Variants in MELK observed in about 807,000 individuals in gnomAD.
MELK encodes the protein pEg3 kinase.
MELK carries 81 observed loss-of-function variants against 85.0 expected under a neutral mutation model. The ratio of observed to expected loss-of-function variants is 0.95; its 90% CI spans 0.80 to 1.15. MELK has a LOEUF of 1.15. Ranked by LOEUF, MELK falls within the 50% of genes most tolerant of loss-of-function variation. The pLI, the probability that MELK is intolerant of heterozygous loss-of-function variation, is 0.00. For missense variants in MELK, 754 were observed against 777.5 expected (o/e 0.97, Z 0.36); for synonymous variants, 252 against 265.0 (o/e 0.95, Z 0.48).
chr9:36,660,990 T>C (rs980171484), intron 13 of MELK, among the ~76,000 whole-genome samples: 2 of 152,090 alleles, frequency 1.3e-5, no homozygotes, highest in Non-Finnish European at 2.9e-5. Flanking sequence ...AAACTCCGTC[T>C]CAAATAAAAA....
At position 36,600,876 on chromosome 9, in the gene MELK, C is replaced by T. The variant is rs374222265; in HGVS notation, c.567+1390C>T. 3.9e-4 allele frequency among the ~76,000 whole-genome samples: 59 copies of T among 152,248 alleles called. No individual in the cohort carries two copies. The South Asian group carries it at 0.012, about 30-fold the overall frequency. On this transcript the variant is annotated intron_variant, in intron 7 of 17. Coordinates refer to ENST00000298048, the MANE Select transcript of MELK (RefSeq NM_014791.4). ...AAAATGAGAAGATGGGAACTGTTTCCGGTGACTTTTTATTTTGATATAATC... is the reference window on the plus strand; with the variant it reads ...AAAATGAGAAGATGGGAACTGTTTCTGGTGACTTTTTATTTTGATATAATC...
At chr9:36,628,425 A>G (rs1021780182) in intron 8 of MELK, among the ~76,000 whole-genome samples, 1 of 151,710 alleles carries the variant, frequency 6.6e-6, no homozygotes, top group South Asian at 2.1e-4. Flanking sequence ...TTTGTTAATG[A>G]ATTTTTTTTT....
chr9:36,585,441 G>A (rs1423657541), intron 3 of MELK, among the ~76,000 whole-genome samples: 1 of 151,372 alleles, frequency 6.6e-6, no homozygotes, highest in African/African-American at 2.4e-5. Context: ...TGAGTAGCTG[G>A]TACTACAGGC....
Position 36,615,278 on chromosome 9 carries a change from G to C in MELK, c.666+7605G>C, listed in dbSNP as rs1228596955. Among the ~76,000 whole-genome samples, 27 of 124,672 alleles carry C rather than the reference G, an allele frequency of 2.2e-4. 1 individual carries two copies. In the East Asian group the frequency reaches 6.3e-3, roughly 29 times the overall value. The allele number at this position is 124,672 out of a possible 152,430, so 81.8% of individuals were successfully genotyped here. A position where few individuals can be genotyped will look rare whatever the true frequency, so the allele number is the denominator to read the frequency against. Reference sequence around the variant, plus strand: ...CCCCCACCTCCCTCCCAGACGGCACGGCTGGCCAGGCGGGGGGCTGATCCC... The same window carrying C: ...CCCCCACCTCCCTCCCAGACGGCACCGCTGGCCAGGCGGGGGGCTGATCCC... On this transcript the variant is annotated intron_variant, in intron 8 of 17. Coordinates refer to ENST00000298048, the MANE Select transcript of MELK (RefSeq NM_014791.4).
At chr9:36,611,088 T>C (rs980125510) in intron 8 of MELK, among the ~76,000 whole-genome samples, 1 of 152,172 alleles carries the variant, frequency 6.6e-6, no homozygotes, top group African/African-American at 2.4e-5. Flanking sequence ...ATGCACATAT[T>C]CCAAAGCCTG....
In MELK at chr9:36,615,399, C is replaced by T. The variant is rs1199958021; in HGVS notation, c.666+7726C>T. Among the ~76,000 whole-genome samples the T allele has an allele frequency of 2.3e-5, 3 of 132,888 alleles. No individual in the cohort carries two copies. The East Asian group carries it at 7.4e-4, about 33-fold the overall frequency. The allele number at this position is 132,888 out of a possible 152,430, so 87.2% of individuals were successfully genotyped here. A position where few individuals can be genotyped will look rare whatever the true frequency, so the allele number is the denominator to read the frequency against. Reference sequence around the variant, plus strand: ...ACGGCTGGCCGGGCGGGGGGCTGACCCCCCCACCTCCCTCCCGGACGGCAC... The same window carrying T: ...ACGGCTGGCCGGGCGGGGGGCTGACTCCCCCACCTCCCTCCCGGACGGCAC... On this transcript the variant is annotated intron_variant, in intron 8 of 17. Transcript: ENST00000298048.
chr9:36,648,869 CAAAAATCACTAGAAATTTGAGG>C (rs1830448404), intron 11 of MELK, among the ~76,000 whole-genome samples: 1 of 151,800 alleles, frequency 6.6e-6, no homozygotes, highest in Non-Finnish European at 1.5e-5. Flanking sequence ...AACAGACAAC[CAAAAATCACTAGAAATTTGAGG>C]AAAACTTCTA....
chr9:36,605,084 G>T (rs1209504809), intron 7 of MELK, among the ~76,000 whole-genome samples: 5 of 151,886 alleles, frequency 3.3e-5, no homozygotes, highest in South Asian at 2.1e-4. Context: ...TAGAGACAGG[G>T]TTTCACCATG....
intron 10 of MELK, among the ~76,000 whole-genome samples, chr9:36,637,034 A>G (rs1488845425): frequency 2.6e-5 from 4 of 151,906 alleles, no homozygotes; most frequent in South Asian, 4.2e-4. Flanking sequence ...GGGTTTCACC[A>G]TGGTAGCCAG....
chr9:36,655,362 G>C (rs1040726840), intron 12 of MELK, among the ~76,000 whole-genome samples: 2 of 151,988 alleles, frequency 1.3e-5, no homozygotes, highest in Non-Finnish European at 2.9e-5. Context: ...AAGATAAATG[G>C]AATCAGCAAA....
At chr9:36,629,843 G>GTTTTTTTTT (rs11298711) in intron 8 of MELK, among the ~76,000 whole-genome samples, 1 of 111,482 alleles carries the variant, frequency 9.0e-6, no homozygotes. Context: ...GCAAGAAATT[G>GTTTTTTTTT]TTTTTTTTTT....
At chr9:36,642,714 C>T (rs901953736) in intron 10 of MELK, among the ~76,000 whole-genome samples, 3 of 152,090 alleles carry the variant, frequency 2.0e-5, no homozygotes, top group African/African-American at 7.2e-5. Flanking sequence ...CAGGTGTGAA[C>T]TATTGTGCCC....
rs777255710 is a variant in MELK at position 36,599,497 on chromosome 9, A to G, written c.567+11A>G. The G allele has an allele frequency of 9.4e-6, 15 of 1,589,632 alleles. 1 individual carries two copies. The highest frequency in any genetic ancestry group is 1.7e-4 in the Middle Eastern group (1 of 6,052). On this transcript the variant is annotated intron_variant, in intron 7 of 17. Coordinates refer to ENST00000298048, the MANE Select transcript of MELK (RefSeq NM_014791.4). ...TATCTTGGATCAGAGGTAATTATTC[A>G]TTGATTAATTCATTATATAATCAGC...
intron 8 of MELK, among the ~76,000 whole-genome samples, chr9:36,616,385 CTCTTTTTTT>C (rs1471903235): frequency 5.8e-5 from 7 of 120,288 alleles, no homozygotes; most frequent in African/African-American, 2.4e-4. Flanking sequence ...GCATGTCAAA[CTCTTTTTTT>C]TTTTTTTTTT....
intron 3 of MELK, among the ~76,000 whole-genome samples, chr9:36,585,239 C>A (rs1822755592): frequency 6.6e-6 from 1 of 151,442 alleles, no homozygotes. Flanking sequence ...GCTTCTGTAC[C>A]CATTCCAGTG....
intron 8 of MELK, among the ~76,000 whole-genome samples, chr9:36,621,280 A>G (rs1827394595): frequency 6.3e-5 from 3 of 47,968 alleles, no homozygotes; most frequent in African/African-American, 3.7e-4. Context: ...TCAGGGAAAA[A>G]AAAAAAAAAA....
intron 6 of MELK, among the ~76,000 whole-genome samples, chr9:36,597,996 AG>A (rs1220388290): frequency 6.6e-6 from 1 of 152,202 alleles, no homozygotes; most frequent in Non-Finnish European, 1.5e-5. Flanking sequence ...TTGAAATTGC[AG>A]ACTTGTCTCG....
intron 8 of MELK, among the ~76,000 whole-genome samples, chr9:36,625,705 G>A (rs1827861948): frequency 6.6e-6 from 1 of 152,070 alleles, no homozygotes; most frequent in African/African-American, 2.4e-5. Flanking sequence ...TGGATCACCT[G>A]AGGCCAGGAG....
chr9:36,660,647 G>A (rs1196621669), intron 13 of MELK, among the ~76,000 whole-genome samples: 1 of 151,644 alleles, frequency 6.6e-6, no homozygotes, highest in Non-Finnish European at 1.5e-5. Context: ...AACAGATGCT[G>A]CTGGGGAAAA....
Sources: allele counts gnomAD v4.1 joint callset (sites outside exome capture counted in the v4.1 genomes callset), GRCh38; gene constraint gnomAD v4.1.1; transcripts MANE v1.5; gene names NCBI Gene and HGNC (gene_info 2026-07-23, HGNC 2026-07-21).